Variants in UBE2E2 observed in about 807,000 individuals in gnomAD.
The protein encoded by UBE2E2 is ubiquitin conjugating enzyme E2 E2, also known as ubiquitin-conjugating enzyme E2 E2.
A neutral mutation model predicts 24.7 loss-of-function variants in UBE2E2; 6 were observed. The observed-to-expected ratio is 0.24, with a 90% CI of 0.13 to 0.48. UBE2E2 has a LOEUF of 0.48. Among genes scored for constraint, UBE2E2 ranks in the 20% least tolerant of loss-of-function variants. UBE2E2 has a pLI of 0.99. For missense variants in UBE2E2, 169 were observed against 245.0 expected (o/e 0.69, Z 2.07); for synonymous variants, 104 against 83.6 (o/e 1.24, Z -1.33).
chr3:23,316,605 C>T (rs1351090148), intron 3 of UBE2E2, among the ~76,000 whole-genome samples: 3 of 151,838 alleles, frequency 2.0e-5, no homozygotes, highest in Non-Finnish European at 2.9e-5. Flanking sequence ...GTGCTTTTCT[C>T]TATTGTGGCC....
intron 3 of UBE2E2, among the ~76,000 whole-genome samples, chr3:23,305,041 C>T (rs79704595): frequency 0.029 from 4,379 of 152,250 alleles, 110 homozygotes; most frequent in East Asian, 0.13. Context: ...TTAAGTAACA[C>T]CACCGATCTT....
chr3:23,463,598 G>A (rs1698858564), intron 3 of UBE2E2, among the ~76,000 whole-genome samples: 1 of 152,062 alleles, frequency 6.6e-6, no homozygotes, highest in African/African-American at 2.4e-5. Flanking sequence ...CTTGCAAAGA[G>A]GGCCTCAAAG....
In UBE2E2 at chr3:23,384,899, T is replaced by C. The variant is rs149294946; in HGVS notation, c.228-114709T>C. ...AAATTCTGTCTTAGTGTAATTTAGA[T>C]TTTTGTGTCTTGACAATAATGAAAA... On this transcript the variant is annotated intron_variant, in intron 3 of 5. Transcript: ENST00000396703. Among the ~76,000 whole-genome samples the C allele has an allele frequency of 8.4e-3, 1,277 of 152,292 alleles. 12 individuals carry two copies. Among genetic ancestry groups the C allele is most frequent in the African/African-American group, 0.029 (1,212 of 41,562 alleles).
chr3:23,447,373 A>G (rs758707511), intron 3 of UBE2E2, among the ~76,000 whole-genome samples: 6 of 152,182 alleles, frequency 3.9e-5, no homozygotes, highest in Non-Finnish European at 5.9e-5. Flanking sequence ...TAAGAAGCCT[A>G]TTTTTACATA....
chr3:23,230,130 A>G (rs894552166), intron 3 of UBE2E2, among the ~76,000 whole-genome samples: 3 of 152,206 alleles, frequency 2.0e-5, no homozygotes, highest in Admixed American at 2.0e-4. Flanking sequence ...ACTCTTAAAT[A>G]TTGTGGGAGA....
At chr3:23,396,524 C>G (rs1697082820) in intron 3 of UBE2E2, among the ~76,000 whole-genome samples, 1 of 151,914 alleles carries the variant, frequency 6.6e-6, no homozygotes, top group African/African-American at 2.4e-5. Context: ...ACTAAACCCC[C>G]TGAGGTCTCA....
chr3:23,529,518 A>G (rs144884354), intron 4 of UBE2E2, among the ~76,000 whole-genome samples: 1 of 152,250 alleles, frequency 6.6e-6, no homozygotes, highest in Non-Finnish European at 1.5e-5. Flanking sequence ...CTTTTGGATC[A>G]GCACAATTGT....
rs1390789985 is a variant in UBE2E2, at chr3:23,589,741, T to C, written c.516T>C (p.Pro172=). ...ACTCTGCTTTCCTTGCAGCTGACCCTCTGGTGGGCAGCATCGCCACACAGT... is the reference window on the plus strand; with the variant it reads ...ACTCTGCTTTCCTTGCAGCTGACCCCCTGGTGGGCAGCATCGCCACACAGT... The part of the protein sequence containing the change: ...SLLTDCNPAD[P]LVGSIATQYM... Residue 172 remains proline (P), a synonymous_variant, in exon 6 of 6, where the codon CCT becomes CCC. Coordinates refer to ENST00000396703, the MANE Select transcript of UBE2E2 (RefSeq NM_152653.4). The surrounding 1 kb of genome is among the most constrained non-coding windows in gnomAD (Gnocchi z 4.1). The C allele has an allele frequency of 1.9e-6, 3 of 1,614,032 alleles. No homozygotes were observed. In the South Asian group the frequency reaches 3.3e-5, roughly 18 times the overall value.
chr3:23,539,866 A>G (rs1050878894), intron 5 of UBE2E2, among the ~76,000 whole-genome samples: 2 of 152,152 alleles, frequency 1.3e-5, no homozygotes, highest in South Asian at 2.1e-4. Context: ...TTAAGTACAT[A>G]TAGGAAATAT....
intron 3 of UBE2E2, among the ~76,000 whole-genome samples, chr3:23,417,536 G>C (rs1306801689): frequency 1.3e-5 from 2 of 152,206 alleles, no homozygotes; most frequent in Non-Finnish European, 2.9e-5. Flanking sequence ...GTTGGGTCAG[G>C]GACCCACTTG....
At chr3:23,235,113 A>G (rs575400790) in intron 3 of UBE2E2, among the ~76,000 whole-genome samples, 3 of 152,324 alleles carry the variant, frequency 2.0e-5, no homozygotes, top group African/African-American at 7.2e-5. Flanking sequence ...GCCTTTGTAG[A>G]GCTTATGTTT....
At chr3:23,300,018 G>A (rs1699026761) in intron 3 of UBE2E2, among the ~76,000 whole-genome samples, 1 of 151,924 alleles carries the variant, frequency 6.6e-6, no homozygotes, top group Admixed American at 6.6e-5. Context: ...TTGTTGAATT[G>A]ATCCCTTTAC....
intron 3 of UBE2E2, among the ~76,000 whole-genome samples, chr3:23,254,582 G>T (rs1441921768): frequency 6.6e-6 from 1 of 152,188 alleles, no homozygotes; most frequent in Non-Finnish European, 1.5e-5. Flanking sequence ...AAATTTGTAT[G>T]TTAAGGTATA....
chr3:23,573,421 A>G (rs951288178), intron 5 of UBE2E2, among the ~76,000 whole-genome samples: 82 of 152,200 alleles, frequency 5.4e-4, no homozygotes, highest in African/African-American at 1.8e-3. Context: ...AGGTTAAAGG[A>G]CAAATCATAT....
chr3:23,459,498 A>T (rs1330288581), intron 3 of UBE2E2, among the ~76,000 whole-genome samples: 3 of 152,224 alleles, frequency 2.0e-5, no homozygotes, highest in Non-Finnish European at 4.4e-5. Context: ...TAGTAACAGG[A>T]CCATAATGTT....
chr3:23,575,902 T>C (rs1223350197), intron 5 of UBE2E2, among the ~76,000 whole-genome samples: 1 of 152,196 alleles, frequency 6.6e-6, no homozygotes, highest in Admixed American at 6.5e-5. Flanking sequence ...GCCTTATAGT[T>C]ACTAAAACTA....
chr3:23,323,624 A>G, intron 3 of UBE2E2: 1 of 418,362 alleles, frequency 2.4e-6, no homozygotes, highest in East Asian at 8.4e-5. Flanking sequence ...CTGAAAAAAT[A>G]AAATATCCAA....
chr3:23,428,140 C>A (rs1023244513), intron 3 of UBE2E2, among the ~76,000 whole-genome samples: 1 of 152,200 alleles, frequency 6.6e-6, no homozygotes, highest in African/African-American at 2.4e-5. Context: ...TCACATGAAA[C>A]ATTCACCAAG....
At chr3:23,289,362 A>G (rs1019613239) in intron 3 of UBE2E2, among the ~76,000 whole-genome samples, 4 of 152,270 alleles carry the variant, frequency 2.6e-5, no homozygotes, top group Admixed American at 2.6e-4. Flanking sequence ...GAGAAAACCA[A>G]CAATGATACC....
Sources: gnomAD v4.1 joint callset for allele counts (sites outside exome capture counted in the v4.1 genomes callset) on GRCh38, gnomAD v4.1.1 for gene constraint, Gnocchi (gnomAD v3.1) non-coding constraint, MANE v1.5 for transcripts, NCBI Gene and HGNC (gene_info 2026-07-23, HGNC 2026-07-21) for gene names.